The following MARK1 variants were observed in gnomAD, a reference collection of about 807,000 sequenced individuals.
MARK1 encodes microtubule affinity regulating kinase 1.
In MARK1, 40 loss-of-function variants were observed where a neutral mutation model predicts 96.3. The ratio of observed to expected loss-of-function variants is 0.42; its 90% CI spans 0.32 to 0.54. The LOEUF (loss-of-function observed/expected upper bound fraction) is 0.54, where lower values mean the gene tolerates loss of function less well. MARK1 is among the 20% of genes least tolerant of loss of function. The probability of loss-of-function intolerance (pLI) is 0.16; values close to 1 mark genes in which losing one functional copy is unlikely to be tolerated. For missense variants in MARK1, 719 were observed against 984.6 expected, an observed-to-expected ratio of 0.73 and a Z score of 3.61; for synonymous variants, 317 against 341.2, an observed-to-expected ratio of 0.93 and a Z score of 0.78.
chr1:220,583,634 T>C (rs1469067876), intron 3 of MARK1, among the ~76,000 whole-genome samples: 1 of 151,628 alleles, frequency 6.6e-6, no homozygotes, highest in Non-Finnish European at 1.5e-5. Flanking sequence ...CCATGAACCA[T>C]ACTAGTGATT....
intron 5 of MARK1, among the ~76,000 whole-genome samples, chr1:220,602,906 A>G (rs1665837774): frequency 6.6e-6 from 1 of 152,094 alleles, no homozygotes; most frequent in African/African-American, 2.4e-5. Flanking sequence ...TGCTTACTAT[A>G]TGCCAGTCGC....
In MARK1 at chr1:220,652,067, C is replaced by A. The variant is rs759727098; in HGVS notation, c.1653C>A (p.His551Gln). The change falls in exon 15 of 18, where the codon CAC (histidine) becomes CAA (glutamine). Residue 551 changes from histidine (H) to glutamine (Q), a missense_variant. Coordinates refer to ENST00000366917, the MANE Select transcript of MARK1 (RefSeq NM_018650.5). ...ASAVPSARPRHQKSMSTSGHP... is the reference protein window; with the variant it reads ...ASAVPSARPRQQKSMSTSGHP... The stretch of plus-strand genomic sequence containing the variant: ...CTGTCCCCTCAGCACGACCCCGCCA[C>A]CAGAAGTCCATGTCCACTTCTGGTC... 6.2e-7 allele frequency: 1 copy of A among 1,613,812 alleles called. No homozygotes were observed. The highest frequency in any genetic ancestry group is 8.5e-7 in the Non-Finnish European group (1 of 1,179,756).
intron 1 of MARK1, among the ~76,000 whole-genome samples, chr1:220,540,552 A>G (rs1452220170): frequency 6.6e-6 from 1 of 152,252 alleles, no homozygotes; most frequent in Non-Finnish European, 1.5e-5. Context: ...ATTGACATAT[A>G]AAATTAACTA....
rs763212299 is a variant in MARK1, at chr1:220,599,874, G to A, written c.424+11G>A. 15 of 1,590,564 alleles carry A rather than the reference G, an allele frequency of 9.4e-6. No individual in the cohort carries two copies. The highest frequency in any genetic ancestry group is 1.2e-5 in the Non-Finnish European group (14 of 1,165,770). On this transcript the variant is annotated intron_variant, in intron 5 of 17. Transcript: ENST00000366917. Reference sequence around the variant, plus strand: ...AATACGCGAGTGGGGGTAAGAATGAGGGTGATTGAAAAGTTCTCTTTGCTG... The same window carrying A: ...AATACGCGAGTGGGGGTAAGAATGAAGGTGATTGAAAAGTTCTCTTTGCTG...
intron 4 of MARK1, among the ~76,000 whole-genome samples, chr1:220,599,574 T>G (rs1665602420): frequency 1.3e-5 from 2 of 152,108 alleles, no homozygotes; most frequent in Non-Finnish European, 2.9e-5. Flanking sequence ...TCCTAGAAAC[T>G]TAACTTTTTC....
chr1:220,657,005 A>G (rs1484097881), intron 16 of MARK1, among the ~76,000 whole-genome samples: 2 of 152,224 alleles, frequency 1.3e-5, no homozygotes, highest in Non-Finnish European at 2.9e-5. Flanking sequence ...TGGCTAAAAC[A>G]TTAAGACAGT....
intron 1 of MARK1, among the ~76,000 whole-genome samples, chr1:220,562,362 T>C (rs916910022): frequency 1.3e-5 from 2 of 152,110 alleles, no homozygotes; most frequent in African/African-American, 4.8e-5. Context: ...CCCAGCTACT[T>C]GGAAGGTTGA....
rs187069351 is a variant in MARK1, at chr1:220,600,483, T to C, written c.424+620T>C. 9.8e-5 allele frequency among the ~76,000 whole-genome samples: 15 copies of C among 152,342 alleles called. No individual in the cohort carries two copies. The East Asian group carries it at 2.9e-3, about 29-fold the overall frequency. On this transcript the variant is annotated intron_variant, in intron 5 of 17. Coordinates refer to ENST00000366917, the MANE Select transcript of MARK1 (RefSeq NM_018650.5). ...TAGGAATGATTTTGAAACACTGATA[T>C]GTGATAGAAAATCATCTTCATCTCC...
At chr1:220,538,823 T>C (rs1660909181) in intron 1 of MARK1, among the ~76,000 whole-genome samples, 1 of 151,738 alleles carries the variant, frequency 6.6e-6, no homozygotes, top group South Asian at 2.1e-4. Flanking sequence ...TTATTCTCTT[T>C]GAAGCAATTG....
intron 3 of MARK1, among the ~76,000 whole-genome samples, chr1:220,590,233 TGTG>T (rs1446536172): frequency 1.3e-5 from 2 of 152,222 alleles, no homozygotes; most frequent in Non-Finnish European, 2.9e-5. Context: ...TTGCTTAAGA[TGTG>T]GTACTTTTCA....
intron 10 of MARK1, among the ~76,000 whole-genome samples, chr1:220,631,845 A>G (rs1667696074): frequency 6.6e-6 from 1 of 152,198 alleles, no homozygotes; most frequent in African/African-American, 2.4e-5. Flanking sequence ...CCACTTCACT[A>G]GTAGCTGAGG....
At chr1:220,626,029 G>T in intron 9 of MARK1, 1 of 559,756 alleles carries the variant, frequency 1.8e-6, no homozygotes. Flanking sequence ...CGTCAGCAAG[G>T]ACTGTCCAGT....
intron 5 of MARK1, among the ~76,000 whole-genome samples, chr1:220,602,565 A>T (rs558037802): frequency 6.6e-6 from 1 of 152,130 alleles, no homozygotes; most frequent in African/African-American, 2.4e-5. Flanking sequence ...ACTCTTGTAT[A>T]TATCTTTCCT....
Position 220,626,748 on chromosome 1 carries a change from A to G in MARK1, c.910-4287A>G, listed in dbSNP as rs1440725205. On this transcript the variant is annotated intron_variant, in intron 9 of 17. Transcript: ENST00000366917. ...GAGTCATGAGAATCGCTTGCACCCT[A>G]GAGGCGGAGGTTGCAGTGAGCTGAT... is the stretch of plus-strand genomic sequence containing the variant. The G allele has an allele frequency of 2.1e-5, 7 of 335,532 alleles. No individual in the cohort carries two copies. The East Asian group carries it at 2.8e-4, about 13-fold the overall frequency. The allele number at this position is 335,532 out of a possible 1,614,324, so 20.8% of individuals were successfully genotyped here. A position where few individuals can be genotyped will look rare whatever the true frequency, so the allele number is the denominator to read the frequency against.
At chr1:220,537,828 T>A (rs1402199389) in intron 1 of MARK1, among the ~76,000 whole-genome samples, 1 of 152,118 alleles carries the variant, frequency 6.6e-6, no homozygotes, top group Non-Finnish European at 1.5e-5. Flanking sequence ...TGCATTTCTC[T>A]GATGGTCAGT....
At chr1:220,534,145 T>C (rs1032408350) in intron 1 of MARK1, among the ~76,000 whole-genome samples, 3 of 152,070 alleles carry the variant, frequency 2.0e-5, no homozygotes, top group Non-Finnish European at 2.9e-5. Flanking sequence ...TTTTTATTTT[T>C]TCACGTCTTA....
At chr1:220,551,551 A>T (rs1468647831) in intron 1 of MARK1, among the ~76,000 whole-genome samples, 3 of 152,206 alleles carry the variant, frequency 2.0e-5, no homozygotes, top group African/African-American at 4.8e-5. Flanking sequence ...GCCTAACATG[A>T]TACAAAAGTC....
intron 9 of MARK1, among the ~76,000 whole-genome samples, chr1:220,619,695 TCTA>T (rs1461144572): frequency 1.3e-5 from 2 of 152,146 alleles, no homozygotes; most frequent in Non-Finnish European, 2.9e-5. Context: ...AACCAAAATG[TCTA>T]CTATTTTTTT....
At chr1:220,577,804 TATA>T (rs760549277) in intron 1 of MARK1, among the ~76,000 whole-genome samples, 4 of 152,182 alleles carry the variant, frequency 2.6e-5, no homozygotes, top group Non-Finnish European at 5.9e-5. Context: ...CGAGTAAATG[TATA>T]ATGATAGCAC....
Sources: gnomAD v4.1 joint callset for allele counts (sites outside exome capture counted in the v4.1 genomes callset) on GRCh38, gnomAD v4.1.1 for gene constraint, MANE v1.5 for transcripts, NCBI Gene and HGNC (gene_info 2026-07-23, HGNC 2026-07-21) for gene names.